CTNNA2: variants seen among roughly 807,000 people sequenced by gnomAD.
The protein encoded by CTNNA2 is catenin alpha 2.
In CTNNA2, 42 loss-of-function variants were observed where a neutral mutation model predicts 101.0. The observed-to-expected ratio is 0.42, with a 90% CI of 0.32 to 0.54. The LOEUF is 0.54. Ranked by LOEUF, CTNNA2 falls within the 20% of genes least tolerant of loss-of-function variation. The probability of loss-of-function intolerance (pLI) is 0.14; values close to 1 mark genes in which losing one functional copy is unlikely to be tolerated. For missense variants in CTNNA2, 871 were observed against 1,223.1 expected, an observed-to-expected ratio of 0.71 and a Z score of 4.29; for synonymous variants, 450 against 456.4, an observed-to-expected ratio of 0.99 and a Z score of 0.18.
intron 7 of CTNNA2, among the ~76,000 whole-genome samples, chr2:80,024,660 G>A (rs767468125): frequency 3.5e-4 from 53 of 152,324 alleles, no homozygotes; most frequent in Non-Finnish European, 4.7e-4. Flanking sequence ...TGTGGGCCCC[G>A]CAGCAGTGTC....
At chr2:80,344,027 A>G (rs949299268) in intron 7 of CTNNA2, among the ~76,000 whole-genome samples, 2 of 152,048 alleles carry the variant, frequency 1.3e-5, no homozygotes, top group Non-Finnish European at 2.9e-5. Flanking sequence ...GGCCTCTCCA[A>G]TCAGGCTTTT....
At chr2:79,902,170 T>C (rs572607242) in intron 6 of CTNNA2, among the ~76,000 whole-genome samples, 4 of 152,276 alleles carry the variant, frequency 2.6e-5, no homozygotes, top group African/African-American at 9.6e-5. Flanking sequence ...AATGGGGAAA[T>C]GGCTGTTGCA....
At chr2:79,238,565 C>T (rs564390090) in intron 2 of CTNNA2, among the ~76,000 whole-genome samples, 3 of 152,010 alleles carry the variant, frequency 2.0e-5, no homozygotes, top group Admixed American at 6.6e-5. Flanking sequence ...AAGTGAAGTA[C>T]AATAGTGCAG....
intron 4 of CTNNA2, among the ~76,000 whole-genome samples, chr2:79,443,926 CTCTCTCT>C (rs1678803400): frequency 2.0e-5 from 3 of 148,050 alleles, no homozygotes; most frequent in African/African-American, 7.9e-5. Context: ...CTCTCTCTCT[CTCTCTCT>C]CTCTCTCTGG....
At chr2:79,786,030 G>A (rs1318689209) in intron 3 of CTNNA2, among the ~76,000 whole-genome samples, 1 of 152,150 alleles carries the variant, frequency 6.6e-6, no homozygotes, top group Non-Finnish European at 1.5e-5. Flanking sequence ...CTCCTGTTAA[G>A]GGTGGTCTTG....
intron 9 of CTNNA2, among the ~76,000 whole-genome samples, chr2:80,484,808 C>T (rs529847253): frequency 1.3e-5 from 2 of 152,132 alleles, no homozygotes; most frequent in Admixed American, 6.5e-5. Context: ...AGATCGAGAC[C>T]ATCCTGGCTA....
intron 7 of CTNNA2, among the ~76,000 whole-genome samples, chr2:79,976,699 A>T (rs1690869926): frequency 6.6e-6 from 1 of 152,200 alleles, no homozygotes; most frequent in Non-Finnish European, 1.5e-5. Context: ...AGCTTTGAGA[A>T]ATTTAATACG....
At chr2:80,122,998 T>C (rs537606160) in intron 7 of CTNNA2, among the ~76,000 whole-genome samples, 2 of 152,272 alleles carry the variant, frequency 1.3e-5, no homozygotes, top group African/African-American at 4.8e-5. Flanking sequence ...AATGGAACCG[T>C]CTCACTTCTG....
At chr2:79,288,778 A>G (rs1417880143) in intron 2 of CTNNA2, among the ~76,000 whole-genome samples, 2 of 152,220 alleles carry the variant, frequency 1.3e-5, no homozygotes, top group African/African-American at 4.8e-5. Flanking sequence ...CTATTTGTCA[A>G]AACAATCACA....
intron 7 of CTNNA2, among the ~76,000 whole-genome samples, chr2:80,384,446 AC>A (rs1256292742): frequency 6.6e-6 from 1 of 151,940 alleles, no homozygotes; most frequent in African/African-American, 2.4e-5. Context: ...AGATTCAAAA[AC>A]AAAAAAAGGA....
At position 80,275,397 on chromosome 2, in the gene CTNNA2, A is replaced by C. The variant is rs531916757; in HGVS notation, c.1057-117814A>C. 2.2e-4 allele frequency among the ~76,000 whole-genome samples: 33 copies of C among 152,314 alleles called. 1 individual carries two copies. Among genetic ancestry groups the C allele is most frequent in the South Asian group, 1.0e-3 (5 of 4,828 alleles). On this transcript the variant is annotated intron_variant, in intron 7 of 18. Transcript: ENST00000402739. ...AAGTCATTCAATTACCATTTGATTT[A>C]ATTAAATGGCTTTTATGATTTAATT...
chr2:80,523,840 T>G (rs777807184), intron 9 of CTNNA2, among the ~76,000 whole-genome samples: 23 of 152,194 alleles, frequency 1.5e-4, no homozygotes, highest in Non-Finnish European at 2.8e-4. Context: ...ACAAATTCTT[T>G]ACACTAATGT....
intron 2 of CTNNA2, among the ~76,000 whole-genome samples, chr2:79,260,252 G>A (rs934916660): frequency 3.9e-5 from 6 of 151,994 alleles, no homozygotes; most frequent in Admixed American, 3.9e-4. Context: ...GTTCTCCCAC[G>A]GTCTCTCTCC....
chr2:79,684,450 T>C (rs1385907014), intron 2 of CTNNA2, among the ~76,000 whole-genome samples: 1 of 152,190 alleles, frequency 6.6e-6, no homozygotes, highest in Non-Finnish European at 1.5e-5. Flanking sequence ...TAAATATGAA[T>C]AACGTGAATC....
At chr2:80,157,192 C>T (rs1671130002) in intron 7 of CTNNA2, among the ~76,000 whole-genome samples, 1 of 152,138 alleles carries the variant, frequency 6.6e-6, no homozygotes, top group Non-Finnish European at 1.5e-5. Flanking sequence ...CTTTCATCCT[C>T]CATAAGAGGG....
At chr2:80,216,064 G>A (rs377070619) in intron 7 of CTNNA2, among the ~76,000 whole-genome samples, 1 of 152,218 alleles carries the variant, frequency 6.6e-6, no homozygotes, top group Non-Finnish European at 1.5e-5. Context: ...TCCGAGCCAG[G>A]CATGGGATAT....
intron 4 of CTNNA2, among the ~76,000 whole-genome samples, chr2:79,483,694 A>G (rs780865970): frequency 4.6e-5 from 7 of 152,198 alleles, no homozygotes; most frequent in Non-Finnish European, 8.8e-5. Flanking sequence ...TTCACTTAGA[A>G]TAATGGTCTC....
chr2:79,376,038 G>C (rs1356188178), intron 4 of CTNNA2, among the ~76,000 whole-genome samples: 1 of 152,142 alleles, frequency 6.6e-6, no homozygotes, highest in Non-Finnish European at 1.5e-5. Flanking sequence ...AGCATGCCCA[G>C]AGAGCAGAAG....
chr2:80,243,149 A>G (rs1671068617), intron 7 of CTNNA2, among the ~76,000 whole-genome samples: 2 of 152,130 alleles, frequency 1.3e-5, no homozygotes, highest in Non-Finnish European at 2.9e-5. Flanking sequence ...TTAAATTTTT[A>G]TTTCAGTAGT....
Sources: gnomAD v4.1 joint callset for allele counts (sites outside exome capture counted in the v4.1 genomes callset) on GRCh38, gnomAD v4.1.1 for gene constraint, MANE v1.5 for transcripts, NCBI Gene and HGNC (gene_info 2026-07-23, HGNC 2026-07-21) for gene names.